Variants in APMAP observed in about 807,000 individuals in gnomAD.
APMAP encodes the protein adipocyte plasma membrane-associated protein.
In APMAP, 33 loss-of-function variants were observed where a neutral mutation model predicts 43.6. That is an observed-to-expected ratio of 0.76 (90% CI 0.57 to 1.01). The LOEUF (loss-of-function observed/expected upper bound fraction) is 1.01. APMAP is among the 50% of genes least tolerant of loss of function. The pLI is 0.00. For missense variants in APMAP, 498 were observed against 540.7 expected (o/e 0.92, Z 0.78); for synonymous variants, 224 against 216.7 (o/e 1.03, Z -0.30).
intron 3 of APMAP, 38 bp from the exon 4 acceptor site, chr20:24,973,775 G>C: frequency 6.3e-7 from 1 of 1,587,480 alleles, no homozygotes; most frequent in Non-Finnish European, 8.6e-7. Context: ...AGCAATGTTA[G>C]CCTAAGAAAT....
At chr20:24,964,374 C>T (rs1370898959) in intron 8 of APMAP, 1 of 510,620 alleles carries the variant, frequency 2.0e-6, no homozygotes, top group South Asian at 1.5e-5. Context: ...CCTCCACTCA[C>T]CAGATCACAA....
chr20:24,969,608 G>A lies in APMAP; in HGVS notation c.766C>T (p.Leu256=). Residue 256 remains leucine, a synonymous_variant, in exon 7 of 9, where the codon CTG becomes TTG. Transcript: ENST00000217456. ...AGCTGGACTCCATTCGGGAACCGCAGCTGGTCCAATAAAACTTTTACTTCC... is the reference window on the plus strand; with the variant it reads ...AGCTGGACTCCATTCGGGAACCGCAACTGGTCCAATAAAACTTTTACTTCC... ...TREVKVLLDQ[L]RFPNGVQLSP... 1.9e-6 allele frequency: 3 copies of A among 1,614,132 alleles called. No homozygotes were observed. The highest frequency in any genetic ancestry group is 1.7e-4 in the Middle Eastern group (1 of 6,056).
Position 24,970,349 on chromosome 20 carries a change from G to A in APMAP, c.561C>T (p.Ser187=), listed in dbSNP as rs1329739817. The A allele has an allele frequency of 6.2e-7, 1 of 1,610,798 alleles. No homozygotes were observed. ...TCTTCCCCTCAATGGGTGTCTCGGA[G>A]GACAGCAGCAGTTTCACTTCACCTG... is the stretch of plus-strand genomic sequence containing the variant. The part of the protein sequence containing the change: ...PWKREVKLLL[S]SETPIEGKNM... Residue 187 remains serine (S), a synonymous_variant, in exon 6 of 9, where the codon TCC becomes TCT. Coordinates refer to ENST00000217456, the MANE Select transcript of APMAP (RefSeq NM_020531.3).
chr20:24,979,409 A>C (rs1216650758), intron 2 of APMAP, among the ~76,000 whole-genome samples: 1 of 152,196 alleles, frequency 6.6e-6, no homozygotes, highest in East Asian at 1.9e-4. Flanking sequence ...CTCGAGGCCC[A>C]CCAGGCTCTT....
chr20:24,969,400 T>C, intron 7 of APMAP, 126 bp downstream of exon 7: 1 of 1,416,960 alleles, frequency 7.1e-7, no homozygotes, highest in Non-Finnish European at 9.5e-7. Flanking sequence ...TGAATTTTCT[T>C]TAACATGCCA....
rs145440817 is a variant in APMAP, at chr20:24,981,912, G to A, written c.212+1991C>T. ...GTGACTGTGGGCTGAGAGGGCTGCAGCTGAGTCAGCACCCGCTGGGATGGC... is the reference window on the plus strand; with the variant it reads ...GTGACTGTGGGCTGAGAGGGCTGCAACTGAGTCAGCACCCGCTGGGATGGC... On this transcript the variant is annotated intron_variant, in intron 2 of 8. Coordinates refer to ENST00000217456, the MANE Select transcript of APMAP (RefSeq NM_020531.3). 5.3e-3 allele frequency among the ~76,000 whole-genome samples: 807 copies of A among 152,344 alleles called. 6 individuals are homozygous for A. The highest frequency in any genetic ancestry group is 0.018 in the African/African-American group (752 of 41,582).
In APMAP at chr20:24,965,566, G is replaced by A. The variant is rs189077643; in HGVS notation, c.1042-1544C>T. On this transcript the variant is annotated intron_variant, in intron 8 of 8. Coordinates refer to ENST00000217456, the MANE Select transcript of APMAP (RefSeq NM_020531.3). ...GCACGGGCTGTCAGGGCCCACACGG[G>A]GTGAGGAGGTGTCCCCACAGTGAGG... Among the ~76,000 whole-genome samples the A allele has an allele frequency of 2.0e-5, 3 of 152,328 alleles. No individual in the cohort carries two copies. In the East Asian group the frequency reaches 5.8e-4, roughly 29 times the overall value.
chr20:24,979,635 C>T (rs2088083496), intron 2 of APMAP, among the ~76,000 whole-genome samples: 1 of 152,180 alleles, frequency 6.6e-6, no homozygotes, highest in Non-Finnish European at 1.5e-5. Flanking sequence ...CATCCTCTCG[C>T]CTCGCCCCTG....
At position 24,963,516 on chromosome 20, in the gene APMAP, A is replaced by G. The variant is rs2087914924; in HGVS notation, c.*297T>C. On this transcript the variant is annotated 3_prime_UTR_variant, in exon 9 of 9. Transcript: ENST00000217456. ...GTTCCAAGTGCAAGGAGCTTCCCAA[A>G]TCCTAGAGAATGACTGTACTTAGAA... is the stretch of plus-strand genomic sequence containing the variant. 4 of 396,412 alleles carry G rather than the reference A, an allele frequency of 1.0e-5. No individual in the cohort carries two copies. Among genetic ancestry groups the G allele is most frequent in the Admixed American group, 8.3e-5 (2 of 24,094 alleles). 24.6% of individuals were successfully genotyped at this position (396,412 alleles called of 1,614,324 possible).
At chr20:24,984,657 A>ACAATT (rs2088132669) in intron 1 of APMAP, among the ~76,000 whole-genome samples, 1 of 152,256 alleles carries the variant, frequency 6.6e-6, no homozygotes, top group African/African-American at 2.4e-5. Context: ...CTATAAAATT[A>ACAATT]CAATTCAAAG....
At chr20:24,986,115 C>G (rs533399467) in intron 1 of APMAP, among the ~76,000 whole-genome samples, 1 of 152,228 alleles carries the variant, frequency 6.6e-6, no homozygotes, top group African/African-American at 2.4e-5. Flanking sequence ...AGGACAGGCC[C>G]GAGGGCAGTG....
intron 1 of APMAP, among the ~76,000 whole-genome samples, chr20:24,988,266 T>C (rs1211692535): frequency 2.0e-5 from 3 of 152,254 alleles, no homozygotes; most frequent in African/African-American, 7.2e-5. Context: ...TTTCCTCATC[T>C]GTCTTGACTC....
chr20:24,970,417 T>C, intron 5 of APMAP, 46 bp from the exon 6 acceptor site: 2 of 1,544,122 alleles, frequency 1.3e-6, no homozygotes, highest in Non-Finnish European at 1.8e-6. Flanking sequence ...ACTAGGAACT[T>C]CTCAATAATT....
At chr20:24,964,945 G>T (rs6138435) in intron 8 of APMAP, among the ~76,000 whole-genome samples, 5 of 151,910 alleles carry the variant, frequency 3.3e-5, no homozygotes, top group South Asian at 4.1e-4. Context: ...CCACTACCTA[G>T]GAAATGCCAT....
intron 8 of APMAP, among the ~76,000 whole-genome samples, chr20:24,965,764 A>G (rs2087937438): frequency 6.6e-6 from 1 of 152,264 alleles, no homozygotes; most frequent in African/African-American, 2.4e-5. Context: ...GTGACAGGGC[A>G]CAGCAACCAC....
At chr20:24,978,716 C>T (rs1404447457) in intron 3 of APMAP, 51 bp downstream of exon 3, 1 of 1,043,074 alleles carries the variant, frequency 9.6e-7, no homozygotes. Context: ...CCCGCCCCCT[C>T]AGACAACAGA....
chr20:24,968,216 G>A (rs1568810739), intron 8 of APMAP, among the ~76,000 whole-genome samples: 2 of 152,200 alleles, frequency 1.3e-5, no homozygotes, highest in South Asian at 4.1e-4. Context: ...GGAAGCCACT[G>A]GGAAAATGGC....
chr20:24,990,987 G>C lies in APMAP; in HGVS notation c.95+1607C>G, dbSNP rs114986471. ...TAAAAGGCACACTGGAAAAGATCAG[G>C]CAGTAAAAGATGACTTTAGAATCAG... is the stretch of plus-strand genomic sequence containing the variant. On this transcript the variant is annotated intron_variant, in intron 1 of 8. Transcript: ENST00000217456. Among the ~76,000 whole-genome samples, 1,470 of 152,296 alleles carry C rather than the reference G, an allele frequency of 9.7e-3. 29 individuals are homozygous for C. The highest frequency in any genetic ancestry group is 0.034 in the African/African-American group (1,405 of 41,546).
chr20:24,973,936 G>C (rs61470699), intron 3 of APMAP, among the ~76,000 whole-genome samples, 199 bp from the exon 4 acceptor site: 1,726 of 152,316 alleles, frequency 0.011, 42 homozygotes, highest in African/African-American at 0.04. Context: ...CGGGGGCCTA[G>C]GGAAGCAGCC....
Sources: gnomAD v4.1 joint callset for allele counts (sites outside exome capture counted in the v4.1 genomes callset) on GRCh38, gnomAD v4.1.1 for gene constraint, MANE v1.5 for transcripts, NCBI Gene and HGNC (gene_info 2026-07-23, HGNC 2026-07-21) for gene names.